CNTNAP2: variants seen among roughly 807,000 people sequenced by gnomAD.
CNTNAP2 encodes contactin-associated protein-like 2.
In CNTNAP2, 98 loss-of-function variants were observed where a neutral mutation model predicts 155.2. That is an observed-to-expected ratio of 0.63 (90% CI 0.54 to 0.75). The LOEUF is 0.75. Ranked by LOEUF, CNTNAP2 falls within the 30% of genes least tolerant of loss-of-function variation. The probability of loss-of-function intolerance (pLI) is 0.00; values close to 1 mark genes in which losing one functional copy is unlikely to be tolerated. For synonymous variants in CNTNAP2, 651 were observed against 631.2 expected (o/e 1.03, Z -0.47); for missense variants, 1,727 against 1,688.1 (o/e 1.02, Z -0.40).
At chr7:147,879,271 T>A (rs184225045) in intron 13 of CNTNAP2, among the ~76,000 whole-genome samples, 99 of 152,300 alleles carry the variant, frequency 6.5e-4, no homozygotes, top group African/African-American at 2.2e-3. Context: ...AGCTGCCATC[T>A]GGACTTTGAC....
chr7:146,538,874 A>C (rs534889856), intron 1 of CNTNAP2, among the ~76,000 whole-genome samples: 1 of 152,224 alleles, frequency 6.6e-6, no homozygotes, highest in East Asian at 1.9e-4. Context: ...AATGTAGAAA[A>C]TCTAAGTTAT....
intron 13 of CNTNAP2, among the ~76,000 whole-genome samples, chr7:147,903,169 T>G (rs1563129742): frequency 6.6e-6 from 1 of 152,244 alleles, no homozygotes; most frequent in Non-Finnish European, 1.5e-5. Context: ...ATGGGCATTC[T>G]TGTGGGAATA....
chr7:146,494,940 A>T (rs1328486005), intron 1 of CNTNAP2, among the ~76,000 whole-genome samples: 1 of 152,252 alleles, frequency 6.6e-6, no homozygotes, highest in East Asian at 1.9e-4. Context: ...TACCAACTGC[A>T]TATAACACTC....
chr7:146,347,647 C>T (rs1438609840), intron 1 of CNTNAP2, among the ~76,000 whole-genome samples: 1 of 152,120 alleles, frequency 6.6e-6, no homozygotes, highest in African/African-American at 2.4e-5. Flanking sequence ...CTCACTGCAA[C>T]CTCCACCTCC....
At chr7:147,123,039 G>C (rs1801153191) in intron 6 of CNTNAP2, 1 of 151,890 alleles carries the variant, frequency 6.6e-6, no homozygotes, top group Admixed American at 6.6e-5. Flanking sequence ...ATTTAGAGTA[G>C]AATATGCTAT....
Position 148,338,561 on chromosome 7 carries a change from A to G in CNTNAP2, c.3476-45088A>G, listed in dbSNP as rs1051817609. On this transcript the variant is annotated intron_variant, in intron 21 of 23. Transcript: ENST00000361727. ...CCAGTAATTGGGGCGTGGGGGGGTG[A>G]GGGGGGGGTGAGTTACTGCTGATGA... Among the ~76,000 whole-genome samples, 8 of 150,350 alleles carry G rather than the reference A, an allele frequency of 5.3e-5. No homozygotes were observed. In the East Asian group the frequency reaches 5.9e-4, roughly 11 times the overall value.
At chr7:146,164,149 A>C (rs1798275773) in intron 1 of CNTNAP2, among the ~76,000 whole-genome samples, 1 of 152,194 alleles carries the variant, frequency 6.6e-6, no homozygotes, top group African/African-American at 2.4e-5. Context: ...CTTTGCAGAC[A>C]TGTTATAGGT....
At chr7:147,872,578 G>A (rs1047431777) in intron 13 of CNTNAP2, among the ~76,000 whole-genome samples, 1 of 152,060 alleles carries the variant, frequency 6.6e-6, no homozygotes, top group Non-Finnish European at 1.5e-5. Flanking sequence ...AGGATTTTTG[G>A]TGTTTTGGCC....
chr7:146,556,715 G>T (rs1430041425), intron 1 of CNTNAP2, among the ~76,000 whole-genome samples: 2 of 152,100 alleles, frequency 1.3e-5, no homozygotes, highest in Non-Finnish European at 2.9e-5. Context: ...CATAAGAATG[G>T]CTGCCATGGT....
At chr7:146,310,185 T>C (rs1345111813) in intron 1 of CNTNAP2, among the ~76,000 whole-genome samples, 5 of 152,186 alleles carry the variant, frequency 3.3e-5, no homozygotes, top group Non-Finnish European at 5.9e-5. Context: ...CAAACTGCTG[T>C]TTCTGTTCTC....
intron 6 of CNTNAP2, 44 bp downstream of exon 6, chr7:147,121,207 T>A: frequency 6.4e-7 from 1 of 1,567,862 alleles, no homozygotes; most frequent in Non-Finnish European, 8.8e-7. Flanking sequence ...GTCAAGCAAT[T>A]GTGTCACTCT....
intron 3 of CNTNAP2, among the ~76,000 whole-genome samples, chr7:147,003,169 C>T (rs1342336315): frequency 6.6e-6 from 1 of 151,730 alleles, no homozygotes; most frequent in Non-Finnish European, 1.5e-5. Flanking sequence ...CTGAGGCTGA[C>T]AAAAAATGAA....
At chr7:147,696,204 A>G (rs1796159032) in intron 13 of CNTNAP2, among the ~76,000 whole-genome samples, 1 of 152,146 alleles carries the variant, frequency 6.6e-6, no homozygotes, top group Non-Finnish European at 1.5e-5. Flanking sequence ...TTCAATTAAT[A>G]TCTATAATAC....
chr7:146,841,436 A>C (rs1331844386), intron 3 of CNTNAP2, among the ~76,000 whole-genome samples: 2 of 152,164 alleles, frequency 1.3e-5, no homozygotes, highest in East Asian at 3.9e-4. Context: ...CAAACAACTG[A>C]GAGTAAACAG....
intron 1 of CNTNAP2, among the ~76,000 whole-genome samples, chr7:146,591,746 T>C (rs577145996): frequency 1.5e-4 from 22 of 151,456 alleles, no homozygotes; most frequent in Non-Finnish European, 3.2e-4. Context: ...TAATTCTTTG[T>C]GGGTGATGTC....
chr7:146,856,370 G>A (rs1294749881), intron 3 of CNTNAP2, among the ~76,000 whole-genome samples: 2 of 151,868 alleles, frequency 1.3e-5, no homozygotes, highest in East Asian at 1.9e-4. Context: ...GATAAAATGA[G>A]GCAGAAGAGA....
intron 3 of CNTNAP2, among the ~76,000 whole-genome samples, chr7:146,857,415 G>T (rs1302547687): frequency 6.6e-6 from 1 of 152,150 alleles, no homozygotes; most frequent in East Asian, 1.9e-4. Context: ...ACCACAGCTT[G>T]TATTCGTTTG....
At chr7:147,171,694 A>T (rs956447636) in intron 8 of CNTNAP2, among the ~76,000 whole-genome samples, 5 of 152,172 alleles carry the variant, frequency 3.3e-5, no homozygotes, top group Admixed American at 6.5e-5. Context: ...CTCCAAATAT[A>T]CATGTGGTAT....
intron 12 of CNTNAP2, among the ~76,000 whole-genome samples, chr7:147,569,321 G>T (rs1049188529): frequency 1.3e-5 from 2 of 152,044 alleles, no homozygotes; most frequent in Non-Finnish European, 2.9e-5. Flanking sequence ...TGGTGGACTT[G>T]GGCTCCAGTG....
Sources: gnomAD v4.1 joint callset for allele counts (sites outside exome capture counted in the v4.1 genomes callset) on GRCh38, gnomAD v4.1.1 for gene constraint, MANE v1.5 for transcripts, NCBI Gene and HGNC (gene_info 2026-07-23, HGNC 2026-07-21) for gene names.